NXPE2: variants seen among roughly 807,000 people sequenced by gnomAD.
The protein encoded by NXPE2 is NXPE family member 2.
A neutral mutation model predicts 34.4 loss-of-function variants in NXPE2; 34 were observed. The ratio of observed to expected loss-of-function variants is 0.99; its 90% CI spans 0.75 to 1.31. The LOEUF is 1.31. Ranked by LOEUF, NXPE2 falls within the 40% of genes most tolerant of loss-of-function variation. The pLI is 0.00. For missense variants in NXPE2, 649 were observed against 672.5 expected (o/e 0.97, Z 0.39); for synonymous variants, 235 against 231.3 (o/e 1.02, Z -0.15).
At chr11:114,783,509 AGATCACACATAGT>A in the NXPE2 span, among the ~76,000 whole-genome samples, 1 of 152,330 alleles carries the variant, frequency 6.6e-6, no homozygotes, top group Admixed American at 6.5e-5. Flanking sequence ...TTGCTATTAG[AGATCACACATAGT>A]GACTCAAATT....
the NXPE2 span, among the ~76,000 whole-genome samples, chr11:114,597,361 A>G: frequency 5.5e-4 from 84 of 152,352 alleles, no homozygotes; most frequent in Non-Finnish European, 1.1e-3. Context: ...CCAGGGGTGG[A>G]CAAACTTTTT....
chr11:114,675,718 A>G (rs1241753958), upstream of NXPE2, among the ~76,000 whole-genome samples: 1 of 151,938 alleles, frequency 6.6e-6, no homozygotes, highest in Non-Finnish European at 1.5e-5. Flanking sequence ...CAAAATTCCA[A>G]TGGACTTTCT....
At chr11:114,799,789 G>A in the NXPE2 span, among the ~76,000 whole-genome samples, 1 of 152,174 alleles carries the variant, frequency 6.6e-6, no homozygotes, top group Admixed American at 6.5e-5. Context: ...AGAGGACAAA[G>A]GGCTCCGGAA....
intron 2 of NXPE2, among the ~76,000 whole-genome samples, chr11:114,685,283 C>A (rs905630830): frequency 6.6e-6 from 1 of 152,274 alleles, no homozygotes; most frequent in Middle Eastern, 3.4e-3. Context: ...TTACTGCTGA[C>A]AATTCTGGAA....
the NXPE2 span, among the ~76,000 whole-genome samples, chr11:114,532,933 A>T: frequency 1.3e-5 from 2 of 152,220 alleles, no homozygotes; most frequent in South Asian, 2.1e-4. Context: ...ATTGGATTGC[A>T]GCTGCAATAA....
At chr11:114,504,033 GTGGCCTCTA>G in the NXPE2 span, among the ~76,000 whole-genome samples, 1 of 152,214 alleles carries the variant, frequency 6.6e-6, no homozygotes, top group Non-Finnish European at 1.5e-5. Context: ...CTCCAGAGAG[GTGGCCTCTA>G]TGGCCACACA....
At chr11:114,601,382 A>G in the NXPE2 span, among the ~76,000 whole-genome samples, 1 of 143,862 alleles carries the variant, frequency 7.0e-6, no homozygotes, top group Non-Finnish European at 1.5e-5. Flanking sequence ...TTAGGATAAT[A>G]CCCTCCAGTT....
Position 114,698,430 on chromosome 11 carries a change from G to T in NXPE2, c.518G>T (p.Gly173Val). ...ASGKVTDFNNGTYLVSFTLFW... is the reference protein window; with the variant it reads ...ASGKVTDFNNVTYLVSFTLFW... ...GGAAAGGTGACTGACTTCAACAACG[G>T]CACCTACCTGGTCAGCTTCACTCTG... Residue 173 changes from glycine (G) to valine (V), a missense_variant, in exon 3 of 6, where the codon GGC becomes GTC. By Grantham distance (109) the Gly-to-Val change is moderately radical (BLOSUM62 -3). Coordinates refer to ENST00000389586, the MANE Select transcript of NXPE2 (RefSeq NM_182495.6). 1 of 1,613,860 alleles carries T rather than the reference G, an allele frequency of 6.2e-7. No individual in the cohort carries two copies. Among genetic ancestry groups the T allele is most frequent in the Non-Finnish European group, 8.5e-7 (1 of 1,179,874 alleles).
At chr11:114,579,579 AATG>A in the NXPE2 span, among the ~76,000 whole-genome samples, 2 of 152,230 alleles carry the variant, frequency 1.3e-5, no homozygotes, top group Non-Finnish European at 2.9e-5. Flanking sequence ...TGATGACAGT[AATG>A]ATACCTTACA....
At chr11:114,639,296 G>C in the NXPE2 span, among the ~76,000 whole-genome samples, 1 of 152,060 alleles carries the variant, frequency 6.6e-6, no homozygotes, top group African/African-American at 2.4e-5. Context: ...ATCTCCTGGT[G>C]CACCGTTCCT....
the NXPE2 span, among the ~76,000 whole-genome samples, chr11:114,755,736 A>ATCTCTC: frequency 5.3e-4 from 78 of 148,294 alleles, no homozygotes; most frequent in African/African-American, 1.9e-3. Context: ...CTCTTCACCC[A>ATCTCTC]TCTCTCTCTC....
At chr11:114,554,260 G>T in the NXPE2 span, 4 of 975,180 alleles carry the variant, frequency 4.1e-6, no homozygotes, top group African/African-American at 7.0e-5. Flanking sequence ...GTATTTGACT[G>T]TGGCCAGGAC....
At chr11:114,608,731 G>T in the NXPE2 span, among the ~76,000 whole-genome samples, 1 of 151,822 alleles carries the variant, frequency 6.6e-6, no homozygotes, top group Non-Finnish European at 1.5e-5. Flanking sequence ...TGCCTCGTGG[G>T]TAACCACTGT....
chr11:114,522,309 C>T, the NXPE2 span: 63 of 1,613,922 alleles, frequency 3.9e-5, no homozygotes, highest in African/African-American at 1.3e-4. Flanking sequence ...AAGGTGATGA[C>T]GATGGCTGTG....
chr11:114,768,426 G>GT, the NXPE2 span, among the ~76,000 whole-genome samples: 4 of 152,186 alleles, frequency 2.6e-5, no homozygotes, highest in South Asian at 2.1e-4. Context: ...ATTTAAAGTA[G>GT]TTTTTTTCTA....
At chr11:114,779,944 G>A in the NXPE2 span, among the ~76,000 whole-genome samples, 17 of 152,168 alleles carry the variant, frequency 1.1e-4, no homozygotes, top group Admixed American at 9.2e-4. Flanking sequence ...AAACACTCCA[G>A]GGAGGAAGCA....
the NXPE2 span, among the ~76,000 whole-genome samples, chr11:114,602,043 T>C: frequency 1.1e-5 from 1 of 91,134 alleles, no homozygotes; most frequent in African/African-American, 4.6e-5. Flanking sequence ...CTATATAATA[T>C]ATATTATATT....
At chr11:114,514,461 C>A in the NXPE2 span, among the ~76,000 whole-genome samples, 2 of 152,052 alleles carry the variant, frequency 1.3e-5, no homozygotes, top group Non-Finnish European at 2.9e-5. Flanking sequence ...ACAATCATGT[C>A]TCACTGCAGC....
chr11:114,577,771 C>T, the NXPE2 span, among the ~76,000 whole-genome samples: 2 of 152,070 alleles, frequency 1.3e-5, no homozygotes, highest in African/African-American at 2.4e-5. Context: ...TTGGTCTTTA[C>T]ATAAAAAACA....
Sources: allele counts gnomAD v4.1 joint callset (sites outside exome capture counted in the v4.1 genomes callset), GRCh38; gene constraint gnomAD v4.1.1; transcripts MANE v1.5; gene names NCBI Gene and HGNC (gene_info 2026-07-23, HGNC 2026-07-21).